The following ZFAT variants were observed in gnomAD, a reference collection of about 807,000 sequenced individuals.
ZFAT encodes the protein zinc finger protein ZFAT.
A neutral mutation model predicts 117.7 loss-of-function variants in ZFAT; 64 were observed. The observed-to-expected ratio is 0.54, with a 90% CI of 0.44 to 0.67. The LOEUF is 0.67. ZFAT is among the 30% of genes least tolerant of loss of function. The pLI is 0.00. For missense variants in ZFAT, 1,433 were observed against 1,584.5 expected (o/e 0.90, Z 1.62); for synonymous variants, 679 against 615.0 (o/e 1.10, Z -1.54).
At chr8:134,815,966 C>T in the ZFAT span, among the ~76,000 whole-genome samples, 24,847 of 152,174 alleles carry the variant, frequency 0.16, 2,215 homozygotes, top group African/African-American at 0.24. Context: ...AACATAGAGG[C>T]TCTGTAAGAA....
chr8:134,649,672 GA>G (rs1010092556), intron 2 of ZFAT, among the ~76,000 whole-genome samples: 1 of 152,174 alleles, frequency 6.6e-6, no homozygotes, highest in Non-Finnish European at 1.5e-5. Flanking sequence ...CTTGAACATT[GA>G]AAAATACAAC....
chr8:134,610,264 A>T (rs1190963049), intron 4 of ZFAT, among the ~76,000 whole-genome samples: 1 of 152,222 alleles, frequency 6.6e-6, no homozygotes, highest in African/African-American at 2.4e-5. Context: ...CGGCCCTCAC[A>T]GCAGCCCTCA....
At chr8:134,609,650 T>G (rs1179399563) in intron 4 of ZFAT, among the ~76,000 whole-genome samples, 1 of 152,200 alleles carries the variant, frequency 6.6e-6, no homozygotes, top group African/African-American at 2.4e-5. Flanking sequence ...TAAACTTAAT[T>G]TTTAAATTTT....
the ZFAT span, among the ~76,000 whole-genome samples, chr8:134,774,020 C>T: frequency 2.4e-5 from 2 of 83,546 alleles, no homozygotes; most frequent in Admixed American, 1.8e-4. Context: ...TTTGAGACGG[C>T]ATTTCACTCT....
chr8:134,645,711 T>A (rs1024519280), intron 2 of ZFAT, among the ~76,000 whole-genome samples: 3 of 152,184 alleles, frequency 2.0e-5, no homozygotes, highest in African/African-American at 7.2e-5. Flanking sequence ...TCTGAGTCTC[T>A]AAGCCACATA....
intron 13 of ZFAT, among the ~76,000 whole-genome samples, chr8:134,514,569 C>G (rs923497614): frequency 6.6e-6 from 1 of 152,142 alleles, no homozygotes; most frequent in Non-Finnish European, 1.5e-5. Flanking sequence ...TCTGAGCTCT[C>G]AGGGATTATC....
At chr8:134,714,565 T>A (rs1814174547), upstream of ZFAT, among the ~76,000 whole-genome samples, 1 of 152,184 alleles carries the variant, frequency 6.6e-6, no homozygotes, top group Admixed American at 6.5e-5. Context: ...ACCCTGTTCT[T>A]GGGAAATACG....
intron 3 of ZFAT, among the ~76,000 whole-genome samples, chr8:134,629,260 C>A (rs1483561851): frequency 6.6e-6 from 1 of 152,140 alleles, no homozygotes; most frequent in African/African-American, 2.4e-5. Flanking sequence ...ATAACTTAAA[C>A]TGCCTGGGGG....
the ZFAT span, among the ~76,000 whole-genome samples, chr8:134,823,841 G>A: frequency 6.6e-6 from 1 of 152,152 alleles, no homozygotes; most frequent in East Asian, 1.9e-4. Context: ...AAAATATTTT[G>A]GATTTATTAT....
intron 7 of ZFAT, among the ~76,000 whole-genome samples, chr8:134,593,842 ATG>A (rs1826708571): frequency 6.6e-6 from 1 of 152,178 alleles, no homozygotes; most frequent in South Asian, 2.1e-4. Context: ...GGCCCCTGTT[ATG>A]TGTCAGGCGC....
At chr8:134,563,768 A>G (rs1368448258) in intron 11 of ZFAT, among the ~76,000 whole-genome samples, 2 of 152,208 alleles carry the variant, frequency 1.3e-5, no homozygotes, top group East Asian at 3.8e-4. Flanking sequence ...TGGATGTTCA[A>G]TAAACACAAG....
chr8:134,800,143 C>A, the ZFAT span, among the ~76,000 whole-genome samples: 1 of 152,184 alleles, frequency 6.6e-6, no homozygotes, highest in Non-Finnish European at 1.5e-5. Context: ...AACTACCAAA[C>A]AAGGGCATTC....
intron 15 of ZFAT, among the ~76,000 whole-genome samples, chr8:134,495,638 G>A (rs10096493): frequency 0.093 from 14,235 of 152,252 alleles, 1,014 homozygotes; most frequent in African/African-American, 0.2. Context: ...TGCCATGAGA[G>A]GTGGTACCTG....
intron 1 of ZFAT, among the ~76,000 whole-genome samples, chr8:134,688,969 C>G (rs1185065223): frequency 6.6e-6 from 1 of 152,148 alleles, no homozygotes; most frequent in African/African-American, 2.4e-5. Context: ...CAGTGCCTGG[C>G]ACACAGCAGA....
intron 11 of ZFAT, among the ~76,000 whole-genome samples, chr8:134,556,766 A>G (rs1180325264): frequency 6.6e-6 from 1 of 152,196 alleles, no homozygotes; most frequent in African/African-American, 2.4e-5. Flanking sequence ...TAATTCTAGC[A>G]TACCAGCACA....
At chr8:134,710,203 T>C (rs1206721077) in intron 1 of ZFAT, among the ~76,000 whole-genome samples, 1 of 152,172 alleles carries the variant, frequency 6.6e-6, no homozygotes, top group Non-Finnish European at 1.5e-5. Flanking sequence ...CGAAAAGATA[T>C]TTCACGTTTA....
At position 134,537,366 on chromosome 8, in the gene ZFAT, T is replaced by C. The variant is rs1028532510; in HGVS notation, c.2977-4394A>G. On this transcript the variant is annotated intron_variant, in intron 11 of 15. Coordinates refer to ENST00000377838, the MANE Select transcript of ZFAT (RefSeq NM_020863.4). Reference sequence around the variant, plus strand: ...TTTTTTTCCCTAGCATATATCTCCCTAAAACCCCAACTGAGAGGGGCACAG... The same window carrying C: ...TTTTTTTCCCTAGCATATATCTCCCCAAAACCCCAACTGAGAGGGGCACAG... 7.6e-4 allele frequency among the ~76,000 whole-genome samples: 116 copies of C among 152,222 alleles called. 2 individuals are homozygous for C. The highest frequency in any genetic ancestry group is 2.7e-3 in the African/African-American group (110 of 41,472).
the ZFAT span, among the ~76,000 whole-genome samples, chr8:134,812,457 G>A: frequency 2.2e-3 from 334 of 152,276 alleles, 2 homozygotes; most frequent in African/African-American, 7.6e-3. Flanking sequence ...ACAGCCAGGC[G>A]CAGTGGCTCA....
chr8:134,626,330 T>G (rs1215673108), intron 3 of ZFAT, among the ~76,000 whole-genome samples: 1 of 152,222 alleles, frequency 6.6e-6, no homozygotes, highest in Admixed American at 6.5e-5. Context: ...GGCAAGAGCT[T>G]GAGCTGGAAA....
Sources: gnomAD v4.1 joint callset for allele counts (sites outside exome capture counted in the v4.1 genomes callset) on GRCh38, gnomAD v4.1.1 for gene constraint, MANE v1.5 for transcripts, NCBI Gene and HGNC (gene_info 2026-07-23, HGNC 2026-07-21) for gene names.